Variants in CNTNAP4 observed in about 807,000 individuals in gnomAD.
The protein encoded by CNTNAP4 is contactin associated protein family member 4, also known as contactin-associated protein-like 4.
CNTNAP4 carries 98 observed loss-of-function variants against 148.4 expected under a neutral mutation model. The ratio of observed to expected loss-of-function variants is 0.66; its 90% CI spans 0.56 to 0.78. The LOEUF (loss-of-function observed/expected upper bound fraction) is 0.78, where lower values mean the gene tolerates loss of function less well. Among genes scored for constraint, CNTNAP4 ranks in the 30% least tolerant of loss-of-function variants. CNTNAP4 has a pLI of 0.00. For synonymous variants in CNTNAP4, 730 were observed against 565.1 expected (o/e 1.29, Z -4.14); for missense variants, 1,935 against 1,565.6 (o/e 1.24, Z -3.98).
intron 17 of CNTNAP4, among the ~76,000 whole-genome samples, chr16:76,523,001 G>A (rs1230156279): frequency 6.6e-6 from 1 of 151,920 alleles, no homozygotes; most frequent in East Asian, 1.9e-4. Flanking sequence ...CTGACCTCAG[G>A]TGATCCACCT....
At chr16:76,392,076 T>A (rs1446061887) in intron 3 of CNTNAP4, among the ~76,000 whole-genome samples, 6 of 152,120 alleles carry the variant, frequency 3.9e-5, no homozygotes, top group Non-Finnish European at 8.8e-5. Flanking sequence ...CTGCAACGAG[T>A]TCTGCCTCCC....
At chr16:76,482,919 G>A (rs2081888794) in intron 12 of CNTNAP4, among the ~76,000 whole-genome samples, 2 of 152,326 alleles carry the variant, frequency 1.3e-5, no homozygotes, top group Middle Eastern at 6.8e-3. Context: ...ACTTCAGTAT[G>A]CACTGGCAAC....
chr16:76,413,707 T>C (rs2078881611), intron 3 of CNTNAP4, among the ~76,000 whole-genome samples: 1 of 151,376 alleles, frequency 6.6e-6, no homozygotes, highest in Admixed American at 6.6e-5. Flanking sequence ...AATCTATATA[T>C]TAATTTAGGA....
chr16:76,418,428 A>G (rs1052417822), intron 3 of CNTNAP4, among the ~76,000 whole-genome samples: 2 of 146,878 alleles, frequency 1.4e-5, no homozygotes, highest in Non-Finnish European at 3.0e-5. Context: ...TTTAAGTTCT[A>G]GGGTACATGT....
At chr16:76,320,053 C>T (rs1411839755) in intron 2 of CNTNAP4, among the ~76,000 whole-genome samples, 1 of 152,218 alleles carries the variant, frequency 6.6e-6, no homozygotes, top group East Asian at 1.9e-4. Context: ...TTTTGAGGCA[C>T]TTGATAGAAA....
intron 1 of CNTNAP4, among the ~76,000 whole-genome samples, chr16:76,306,734 A>G (rs539932037): frequency 6.6e-6 from 1 of 152,226 alleles, no homozygotes; most frequent in African/African-American, 2.4e-5. Context: ...ATCCTTGATG[A>G]GAACACACTT....
intron 15 of CNTNAP4, among the ~76,000 whole-genome samples, chr16:76,518,770 C>A (rs1030852010): frequency 3.9e-5 from 6 of 152,156 alleles, no homozygotes; most frequent in African/African-American, 1.4e-4. Context: ...TCACCCCAGT[C>A]TGCTATTGAA....
chr16:76,422,908 A>G (rs960505405), intron 3 of CNTNAP4, among the ~76,000 whole-genome samples: 5 of 152,176 alleles, frequency 3.3e-5, no homozygotes, highest in African/African-American at 1.2e-4. Context: ...CCCAAACTTC[A>G]TATATTGAAA....
chr16:76,379,616 G>C (rs1597371740), intron 3 of CNTNAP4, among the ~76,000 whole-genome samples: 3 of 152,276 alleles, frequency 2.0e-5, no homozygotes, highest in African/African-American at 7.2e-5. Flanking sequence ...TCATTAATCT[G>C]AGAAGCACCA....
intron 2 of CNTNAP4, among the ~76,000 whole-genome samples, chr16:76,317,318 C>T (rs1030939497): frequency 8.2e-6 from 1 of 121,586 alleles, no homozygotes; most frequent in African/African-American, 3.1e-5. Flanking sequence ...AAAAAAAAAA[C>T]TCAGTTCATC....
intron 7 of CNTNAP4, 25 bp downstream of exon 7, chr16:76,449,883 T>C: frequency 6.4e-7 from 1 of 1,567,768 alleles, no homozygotes; most frequent in South Asian, 1.2e-5. Context: ...GCGAAGACAT[T>C]AGTAAAACTA....
intron 1 of CNTNAP4, among the ~76,000 whole-genome samples, chr16:76,282,010 C>G (rs746632764): frequency 6.6e-6 from 1 of 151,688 alleles, no homozygotes; most frequent in African/African-American, 2.4e-5. Flanking sequence ...TACTCTCTGG[C>G]ACTTTATATA....
At chr16:76,344,502 T>C (rs1184193742) in intron 2 of CNTNAP4, among the ~76,000 whole-genome samples, 6 of 152,170 alleles carry the variant, frequency 3.9e-5, no homozygotes, top group African/African-American at 1.4e-4. Flanking sequence ...TACAGTGAGA[T>C]ATCTTACAGT....
chr16:76,454,981 A>T (rs888901308), intron 8 of CNTNAP4, among the ~76,000 whole-genome samples: 1 of 152,208 alleles, frequency 6.6e-6, no homozygotes, highest in Non-Finnish European at 1.5e-5. Flanking sequence ...GAATTGTGCA[A>T]ATGCTTGAAT....
At chr16:76,439,305 T>A (rs1026255331) in intron 4 of CNTNAP4, among the ~76,000 whole-genome samples, 1 of 151,954 alleles carries the variant, frequency 6.6e-6, no homozygotes, top group African/African-American at 2.4e-5. Context: ...AAAAGAGAGA[T>A]AACTTTGAGA....
At position 76,489,684 on chromosome 16, in the gene CNTNAP4, A is replaced by C. The variant is rs753423322; in HGVS notation, c.1883-2A>C. ...CTTTCTCCCCCCATTTCTGCATACA[A>C]GAAACTGCATGGACCATCATACAGC... On this transcript the variant is annotated splice_acceptor_variant, in intron 12 of 23. Transcript: ENST00000611870. LOFTEE classifies it high-confidence loss of function. The C allele has an allele frequency of 7.8e-6, 12 of 1,533,134 alleles. No individual in the cohort carries two copies. The highest frequency in any genetic ancestry group is 1.1e-5 in the Non-Finnish European group (12 of 1,127,592). 95.0% of individuals were successfully genotyped at this position (1,533,134 alleles called of 1,614,324 possible).
At chr16:76,435,972 A>G (rs1471358487) in intron 4 of CNTNAP4, among the ~76,000 whole-genome samples, 1 of 152,104 alleles carries the variant, frequency 6.6e-6, no homozygotes, top group Non-Finnish European at 1.5e-5. Flanking sequence ...CATATAAATT[A>G]GAAAACTCAA....
At chr16:76,412,633 T>C (rs775216399) in intron 3 of CNTNAP4, among the ~76,000 whole-genome samples, 2 of 151,100 alleles carry the variant, frequency 1.3e-5, no homozygotes, top group Admixed American at 1.3e-4. Flanking sequence ...CTAATAAGAT[T>C]AGCAAATATT....
At chr16:76,437,012 TATTA>T (rs1202944798) in intron 4 of CNTNAP4, among the ~76,000 whole-genome samples, 1 of 133,998 alleles carries the variant, frequency 7.5e-6, no homozygotes, top group Non-Finnish European at 1.7e-5. Flanking sequence ...TATTAAGGAG[TATTA>T]ATTCACATGA....
Sources: gnomAD v4.1 joint callset for allele counts (sites outside exome capture counted in the v4.1 genomes callset) on GRCh38, gnomAD v4.1.1 for gene constraint, MANE v1.5 for transcripts, NCBI Gene and HGNC (gene_info 2026-07-23, HGNC 2026-07-21) for gene names.